The following POLR1A variants were observed in gnomAD, a reference collection of about 807,000 sequenced individuals.
POLR1A encodes DNA-directed RNA polymerase I subunit RPA1.
A neutral mutation model predicts 205.3 loss-of-function variants in POLR1A; 84 were observed. That is an observed-to-expected ratio of 0.41 (90% CI 0.34 to 0.49). POLR1A has a LOEUF of 0.49. POLR1A is among the 20% of genes least tolerant of loss of function. The pLI, the probability that POLR1A is intolerant of heterozygous loss-of-function variation, is 0.22. For synonymous variants in POLR1A, 799 were observed against 863.7 expected (o/e 0.93, Z 1.31); for missense variants, 1,645 against 2,204.5 (o/e 0.75, Z 5.08).
intron 16 of POLR1A, among the ~76,000 whole-genome samples, chr2:86,051,580 T>G (rs963921213): frequency 1.3e-5 from 2 of 152,204 alleles, no homozygotes; most frequent in East Asian, 1.9e-4. Context: ...ACAACGCCTA[T>G]GCACACTGCG....
chr2:86,077,313 C>T (rs182270554), intron 11 of POLR1A, among the ~76,000 whole-genome samples: 3 of 152,274 alleles, frequency 2.0e-5, no homozygotes, highest in Admixed American at 2.0e-4. Context: ...AGAGCACTAA[C>T]AGGTGAACAG....
intron 13 of POLR1A, chr2:86,065,722 TCC>T: frequency 2.4e-6 from 1 of 415,910 alleles, no homozygotes; most frequent in Non-Finnish European, 4.3e-6. Context: ...CTCATCCCGT[TCC>T]CCCGGCCTTC....
chr2:86,041,351 G>C (rs1672603250), intron 24 of POLR1A, among the ~76,000 whole-genome samples: 1 of 147,404 alleles, frequency 6.8e-6, no homozygotes, highest in South Asian at 2.2e-4. Flanking sequence ...AAGCTCAAAG[G>C]TGTGTGTGTG....
chr2:86,037,069 C>T (rs1016863736), intron 27 of POLR1A: 5 of 152,328 alleles, frequency 3.3e-5, no homozygotes, highest in African/African-American at 1.2e-4. Context: ...GCCATGAAAT[C>T]TGAATTCCCA....
chr2:86,044,460 C>A, intron 21 of POLR1A, 156 bp from the exon 22 acceptor site: 2 of 716,722 alleles, frequency 2.8e-6, no homozygotes, highest in Middle Eastern at 3.8e-4. Flanking sequence ...GCCCCGGGGT[C>A]TGGGCTTGCT....
chr2:86,064,473 G>A (rs1286186342), intron 14 of POLR1A, among the ~76,000 whole-genome samples: 2 of 152,148 alleles, frequency 1.3e-5, no homozygotes, highest in African/African-American at 4.8e-5. Flanking sequence ...AGGAAGTATG[G>A]TATGATGCTT....
intron 1 of POLR1A, among the ~76,000 whole-genome samples, chr2:86,102,005 T>C (rs1271063753): frequency 6.6e-6 from 1 of 152,236 alleles, no homozygotes; most frequent in East Asian, 1.9e-4. Context: ...CCATTGCATG[T>C]ATATACCACA....
chr2:86,095,861 G>T (rs1673692818), intron 3 of POLR1A, among the ~76,000 whole-genome samples: 1 of 151,900 alleles, frequency 6.6e-6, no homozygotes, highest in South Asian at 2.1e-4. Flanking sequence ...CGGAGTAGCT[G>T]GGACTACAGG....
intron 3 of POLR1A, among the ~76,000 whole-genome samples, chr2:86,091,432 T>G (rs1172476682): frequency 6.6e-6 from 1 of 151,976 alleles, no homozygotes; most frequent in African/African-American, 2.4e-5. Flanking sequence ...CAACAAAGAA[T>G]TTTTAAAGGT....
At position 86,065,345 on chromosome 2, in the gene POLR1A, C is replaced by T. The variant is rs780372670; in HGVS notation, c.1987G>A (p.Asp663Asn). The T allele has an allele frequency of 1.2e-6, 2 of 1,614,078 alleles. No homozygotes were observed. The highest frequency in any genetic ancestry group is 1.1e-5 in the South Asian group (1 of 91,090). The change falls in exon 14 of 34, where the codon GAC becomes AAC. Residue 663 changes from aspartate (D) to asparagine (N), a missense_variant. Transcript: ENST00000263857. ...YMELVYRGLT[D>N]KVGRVKLLSP... ...AGGAGCTTCACGCGCCCCACTTTGT[C>T]CGTGAGTCCTCGGTACACCAGCTCC... is the stretch of plus-strand genomic sequence containing the variant.
intron 14 of POLR1A, among the ~76,000 whole-genome samples, chr2:86,054,568 C>A (rs1306681140): frequency 3.3e-5 from 5 of 152,084 alleles, no homozygotes; most frequent in Non-Finnish European, 7.4e-5. Flanking sequence ...GTGAATAATC[C>A]CCTAGACTTG....
rs1161274433 is a variant in POLR1A, at chr2:86,070,625, T to C, written c.1612-353A>G. ...AAGAAATGGATACAACTCCTGAAGATATAACCATAACAAAATGAAGACATA... is the reference window on the plus strand; with the variant it reads ...AAGAAATGGATACAACTCCTGAAGACATAACCATAACAAAATGAAGACATA... On this transcript the variant is annotated intron_variant, in intron 12 of 33. Coordinates refer to ENST00000263857, the MANE Select transcript of POLR1A (RefSeq NM_015425.6). This position sits in a 1 kb window ranked among gnomAD's most constrained non-coding sequence, Gnocchi z 4.4. 6.6e-6 allele frequency among the ~76,000 whole-genome samples: 1 copy of C among 151,970 alleles called. No homozygotes were observed. The highest frequency in any genetic ancestry group is 2.4e-5 in the African/African-American group (1 of 41,368).
chr2:86,043,041 T>C lies in POLR1A; in HGVS notation c.3290A>G (p.Gln1097Arg), dbSNP rs751637824. The change falls in exon 23 of 34, where the codon CAG (glutamine) becomes CGG (arginine). Residue 1097 changes from glutamine to arginine, a missense_variant. Around this residue, in one of 16 missense-constraint regions of POLR1A, gnomAD observed 201 missense variants for 222.3 expected, o/e 0.90. Coordinates refer to ENST00000263857, the MANE Select transcript of POLR1A (RefSeq NM_015425.6). Reference protein sequence around the residue: ...GAFLSYSQKIQEAVKALKLES... With the variant: ...GAFLSYSQKIREAVKALKLES... The stretch of plus-strand genomic sequence containing the variant: ...AAGTTTCAGGGCTTTCACAGCTTCC[T>C]GAATTTTCTGGGAATAACTCAAGAA... 6.2e-7 allele frequency: 1 copy of C among 1,614,220 alleles called. No homozygotes were observed.
intron 13 of POLR1A, among the ~76,000 whole-genome samples, chr2:86,068,386 C>CCGGGGG (rs1553436015): frequency 1.6e-4 from 2 of 12,240 alleles, no homozygotes; most frequent in East Asian, 7.0e-3. Context: ...AGCACATGGG[C>CCGGGGG]GGGGGGGGGG....
At chr2:86,037,613 C>A (rs1000007219) in intron 27 of POLR1A, among the ~76,000 whole-genome samples, 1 of 152,230 alleles carries the variant, frequency 6.6e-6, no homozygotes. Context: ...CTGAGCAGCT[C>A]CCAGAAGACC....
At chr2:86,097,661 C>T (rs11686963) in intron 3 of POLR1A, among the ~76,000 whole-genome samples, 110,779 of 152,116 alleles carry the variant, frequency 0.73, 42,506 homozygotes, top group Non-Finnish European at 0.84. Flanking sequence ...CTGCAAGTTC[C>T]TACTCATATG....
chr2:86,075,095 C>T lies in POLR1A; in HGVS notation c.1546G>A (p.Glu516Lys), dbSNP rs779218343. 3.7e-6 allele frequency: 6 copies of T among 1,612,784 alleles called. No homozygotes were observed. The African/African-American group carries it at 6.7e-5, about 18-fold the overall frequency. ...ALSAVDMTQR[E>K]AVAKQLLTPA... Reference sequence around the variant, plus strand: ...GTCAGAAGCTGCTTGGCCACGGCCTCTCGCTGGGTCATGTCCACAGCGCTC... The same window carrying T: ...GTCAGAAGCTGCTTGGCCACGGCCTTTCGCTGGGTCATGTCCACAGCGCTC... The change falls in exon 12 of 34, where the codon GAG becomes AAG. Residue 516 changes from glutamate to lysine, a missense_variant. Coordinates refer to ENST00000263857, the MANE Select transcript of POLR1A (RefSeq NM_015425.6).
intron 12 of POLR1A, among the ~76,000 whole-genome samples, chr2:86,072,267 C>T (rs926780271): frequency 2.0e-5 from 3 of 152,200 alleles, no homozygotes; most frequent in Non-Finnish European, 4.4e-5. Context: ...CCAAGGAGAC[C>T]TAAACTCTGA....
At position 86,088,630 on chromosome 2, in the gene POLR1A, C is replaced by A; in HGVS notation, c.666G>T (p.Lys222Asn). Residue 222 changes from lysine to asparagine, a missense_variant, in exon 6 of 34, where the codon AAG becomes AAT. Lys to Asn is a moderately conservative substitution (Grantham distance 94, BLOSUM62 0). This residue lies in a region of POLR1A where 330 missense variants were observed against 375.6 expected (regional missense o/e 0.88). Transcript: ENST00000263857. Reference sequence around the variant, plus strand: ...CCATGGCTGGAAACGTGATAGTCAACTTGCTGTTGTGTTCCTTTCGGACAA... The same window carrying A: ...CCATGGCTGGAAACGTGATAGTCAAATTGCTGTTGTGTTCCTTTCGGACAA... ...RSVVRKEHNS[K>N]LTITFPAMVH... 6.2e-7 allele frequency: 1 copy of A among 1,614,112 alleles called. No homozygotes were observed. Among genetic ancestry groups the A allele is most frequent in the East Asian group, 2.2e-5 (1 of 44,886 alleles).
Sources: gnomAD v4.1 joint callset for allele counts (sites outside exome capture counted in the v4.1 genomes callset) on GRCh38, gnomAD v4.1.1 for gene constraint, gnomAD v4.1.1 regional missense constraint, Gnocchi (gnomAD v3.1) non-coding constraint, MANE v1.5 for transcripts, NCBI Gene and HGNC (gene_info 2026-07-23, HGNC 2026-07-21) for gene names.